RIMS1: variants seen among roughly 807,000 people sequenced by gnomAD.
RIMS1 encodes the protein regulating synaptic membrane exocytosis 1.
RIMS1 carries 83 observed loss-of-function variants against 214.1 expected under a neutral mutation model. The observed-to-expected ratio is 0.39, with a 90% CI of 0.32 to 0.47. RIMS1 has a LOEUF of 0.47. RIMS1 is among the 20% of genes least tolerant of loss of function. The probability of loss-of-function intolerance (pLI) is 0.99; values close to 1 mark genes in which losing one functional copy is unlikely to be tolerated. For synonymous variants in RIMS1, 793 were observed against 786.8 expected, an observed-to-expected ratio of 1.01 and a Z score of -0.13; for missense variants, 2,050 against 2,161.8, an observed-to-expected ratio of 0.95 and a Z score of 1.03.
At chr6:72,316,386 G>A (rs2095798994) in intron 28 of RIMS1, among the ~76,000 whole-genome samples, 2 of 152,170 alleles carry the variant, frequency 1.3e-5, no homozygotes, top group Non-Finnish European at 2.9e-5. Context: ...TCTGGGTATA[G>A]GGGAAACAGA....
chr6:72,380,011 A>G (rs1038046736), intron 29 of RIMS1, among the ~76,000 whole-genome samples: 2 of 152,228 alleles, frequency 1.3e-5, no homozygotes, highest in Non-Finnish European at 2.9e-5. Flanking sequence ...ATGCCCATCA[A>G]TGATAGACTG....
intron 1 of RIMS1, among the ~76,000 whole-genome samples, chr6:71,939,724 T>C (rs1785470425): frequency 6.6e-6 from 1 of 152,214 alleles, no homozygotes; most frequent in South Asian, 2.1e-4. Flanking sequence ...AATTTATTCA[T>C]GAAGGCAGAG....
chr6:71,909,656 A>C (rs1354156511), intron 1 of RIMS1, among the ~76,000 whole-genome samples: 1 of 152,206 alleles, frequency 6.6e-6, no homozygotes, highest in Non-Finnish European at 1.5e-5. Context: ...AACAATAATT[A>C]TGTGATTCTG....
intron 2 of RIMS1, among the ~76,000 whole-genome samples, chr6:72,019,159 C>T (rs1226304588): frequency 6.6e-6 from 1 of 151,188 alleles, no homozygotes; most frequent in African/African-American, 2.4e-5. Context: ...TAACTCCAAA[C>T]CCATAGGATG....
chr6:72,111,919 T>C (rs978384667), intron 4 of RIMS1, among the ~76,000 whole-genome samples: 2 of 152,122 alleles, frequency 1.3e-5, no homozygotes, highest in Non-Finnish European at 2.9e-5. Flanking sequence ...CTTCCAAGTA[T>C]CTATAACAGA....
rs573099496 is a variant in RIMS1 at position 72,005,138 on chromosome 6, C to T, written c.245+36075C>T. Among the ~76,000 whole-genome samples, 11 of 152,250 alleles carry T rather than the reference C, an allele frequency of 7.2e-5. No individual in the cohort carries two copies. In the East Asian group the frequency reaches 1.3e-3, roughly 19 times the overall value. On this transcript the variant is annotated intron_variant, in intron 2 of 33. Coordinates refer to ENST00000521978, the MANE Select transcript of RIMS1 (RefSeq NM_014989.7). The stretch of plus-strand genomic sequence containing the variant: ...TTTATTAAATAGGGAATCCTTTCCC[C>T]ATTGCTTGTTTTTCTCAGCTGTGTC...
In RIMS1 at chr6:72,291,914, G is replaced by A. The variant is rs771118720; in HGVS notation, c.3738-20G>A. ...ATTGGAATTTCATTGTTTCATGCCCGCTTTGCTTTTTGCCTGCAGAATGCA... is the reference window on the plus strand; with the variant it reads ...ATTGGAATTTCATTGTTTCATGCCCACTTTGCTTTTTGCCTGCAGAATGCA... On this transcript the variant is annotated intron_variant, in intron 25 of 33. Coordinates refer to ENST00000521978, the MANE Select transcript of RIMS1 (RefSeq NM_014989.7). 8.5e-6 allele frequency: 13 copies of A among 1,522,892 alleles called. No individual in the cohort carries two copies. Among genetic ancestry groups the A allele is most frequent in the East Asian group, 2.4e-5 (1 of 40,828 alleles). The allele number at this position is 1,522,892 out of a possible 1,614,324, so 94.3% of individuals were successfully genotyped here. A position where few individuals can be genotyped will look rare whatever the true frequency, so the allele number is the denominator to read the frequency against.
chr6:72,254,478 A>G (rs2074925249), intron 16 of RIMS1, among the ~76,000 whole-genome samples: 1 of 152,224 alleles, frequency 6.6e-6, no homozygotes, highest in African/African-American at 2.4e-5. Context: ...TAGGAATTAG[A>G]TTATACCTGG....
intron 4 of RIMS1, among the ~76,000 whole-genome samples, chr6:72,112,842 A>C (rs964309605): frequency 6.6e-6 from 1 of 152,184 alleles, no homozygotes; most frequent in Non-Finnish European, 1.5e-5. Context: ...CTCTGTAGAA[A>C]AGGGGGACTT....
chr6:72,319,543 C>G (rs2096028848), intron 28 of RIMS1, among the ~76,000 whole-genome samples: 1 of 152,100 alleles, frequency 6.6e-6, no homozygotes. Flanking sequence ...ACCAGCCTGC[C>G]CTTAAAGACT....
rs372119221 is a variant in RIMS1 at position 72,220,880 on chromosome 6, T to C, written c.1679-12893T>C. On this transcript the variant is annotated intron_variant, in intron 6 of 33. Transcript: ENST00000521978. ...GGCTAGTTTTGTTTTAGGCAGACAT[T>C]TAGTTATAGAGATCTCTATGTAAGG... Among the ~76,000 whole-genome samples the C allele has an allele frequency of 9.2e-5, 14 of 152,156 alleles. No individual in the cohort carries two copies. In the East Asian group the frequency reaches 2.7e-3, roughly 29 times the overall value.
At chr6:72,215,476 A>G (rs2055488376) in intron 6 of RIMS1, among the ~76,000 whole-genome samples, 3 of 152,072 alleles carry the variant, frequency 2.0e-5, no homozygotes, top group South Asian at 2.1e-4. Flanking sequence ...TCAAATCCCA[A>G]CTCTGCTACT....
chr6:72,188,470 A>C (rs1255649489), intron 6 of RIMS1, among the ~76,000 whole-genome samples: 1 of 152,214 alleles, frequency 6.6e-6, no homozygotes, highest in African/African-American at 2.4e-5. Flanking sequence ...TCACATGATA[A>C]AGGAAAAAGG....
At chr6:72,357,919 G>C (rs1185240242) in intron 29 of RIMS1, among the ~76,000 whole-genome samples, 1 of 152,160 alleles carries the variant, frequency 6.6e-6, no homozygotes, top group Non-Finnish European at 1.5e-5. Flanking sequence ...CATAGAGATT[G>C]AGACATCAAA....
At chr6:72,366,028 G>A (rs1352479476) in intron 29 of RIMS1, among the ~76,000 whole-genome samples, 1 of 152,192 alleles carries the variant, frequency 6.6e-6, no homozygotes, top group African/African-American at 2.4e-5. Flanking sequence ...CAATACCAGA[G>A]AATTATGATA....
At chr6:72,203,137 GC>G (rs1256056661) in intron 6 of RIMS1, among the ~76,000 whole-genome samples, 1 of 152,170 alleles carries the variant, frequency 6.6e-6, no homozygotes, top group Non-Finnish European at 1.5e-5. Flanking sequence ...ACAGGTGCCT[GC>G]CACCACATTT....
At chr6:72,286,333 G>A (rs1408965711) in intron 24 of RIMS1, among the ~76,000 whole-genome samples, 2 of 152,180 alleles carry the variant, frequency 1.3e-5, no homozygotes, top group African/African-American at 4.8e-5. Context: ...AGCTGGAGGT[G>A]CTTAACTCCA....
chr6:72,334,675 A>G (rs571542366), intron 29 of RIMS1, among the ~76,000 whole-genome samples: 1 of 152,044 alleles, frequency 6.6e-6, no homozygotes, highest in Non-Finnish European at 1.5e-5. Flanking sequence ...CTGTTCCTTA[A>G]TAGCAAGAGC....
At chr6:72,391,754 G>T (rs1202311557) in intron 30 of RIMS1, among the ~76,000 whole-genome samples, 1 of 152,136 alleles carries the variant, frequency 6.6e-6, no homozygotes, top group South Asian at 2.1e-4. Flanking sequence ...ACAAAAATCA[G>T]CAGGTATGAA....
Sources: gnomAD v4.1 joint callset for allele counts (sites outside exome capture counted in the v4.1 genomes callset) on GRCh38, gnomAD v4.1.1 for gene constraint, MANE v1.5 for transcripts, NCBI Gene and HGNC (gene_info 2026-07-23, HGNC 2026-07-21) for gene names.